Variants in SLC9A4 observed in about 807,000 individuals in gnomAD.
SLC9A4 encodes solute carrier family 9 member A4.
In SLC9A4, 63 loss-of-function variants were observed where a neutral mutation model predicts 67.4. The observed-to-expected ratio is 0.93, with a 90% confidence interval of 0.76 to 1.15. The LOEUF is 1.15. Ranked by LOEUF, SLC9A4 falls within the 50% of genes most tolerant of loss-of-function variation. The pLI is 0.00. For missense variants in SLC9A4, 1,089 were observed against 987.7 expected (o/e 1.10, Z -1.38); for synonymous variants, 393 against 367.2 (o/e 1.07, Z -0.80).
chr2:102,521,531 T>C (rs4851613), intron 9 of SLC9A4, among the ~76,000 whole-genome samples: 115,182 of 152,028 alleles, frequency 0.76, 43,896 homozygotes, highest in Middle Eastern at 0.81. Flanking sequence ...TGACTCTGCT[T>C]TGCTTACTCC....
intron 2 of SLC9A4, among the ~76,000 whole-genome samples, chr2:102,481,878 T>C (rs951064337): frequency 2.8e-5 from 4 of 141,572 alleles, no homozygotes; most frequent in African/African-American, 1.1e-4. Context: ...ATTTACTAAT[T>C]CATTTGGCAA....
intron 10 of SLC9A4, among the ~76,000 whole-genome samples, chr2:102,525,752 G>C (rs1020385999): frequency 6.6e-6 from 1 of 152,002 alleles, no homozygotes; most frequent in African/African-American, 2.4e-5. Flanking sequence ...GGTTGCTAAT[G>C]GTCTATTTTA....
intron 2 of SLC9A4, among the ~76,000 whole-genome samples, chr2:102,488,389 C>T (rs943895332): frequency 3.9e-5 from 6 of 152,112 alleles, no homozygotes; most frequent in Non-Finnish European, 8.8e-5. Flanking sequence ...TGGATGGGAG[C>T]ACTAGATCCA....
At chr2:102,513,809 T>C (rs940787525) in intron 7 of SLC9A4, among the ~76,000 whole-genome samples, 1 of 152,172 alleles carries the variant, frequency 6.6e-6, no homozygotes, top group Non-Finnish European at 1.5e-5. Context: ...GCCTCACTTA[T>C]GCACACTTTT....
chr2:102,524,226 C>G (rs1281426185), intron 9 of SLC9A4, among the ~76,000 whole-genome samples: 2 of 152,194 alleles, frequency 1.3e-5, no homozygotes. Context: ...CTATCATCCT[C>G]CAGGACTTTG....
rs941043976 is a variant in SLC9A4 at position 102,514,329 on chromosome 2, G to A, written c.1721+78G>A. 12 of 917,544 alleles carry A rather than the reference G, an allele frequency of 1.3e-5. No homozygotes were observed. In the South Asian group the frequency reaches 2.5e-4, roughly 19 times the overall value. 56.8% of individuals were successfully genotyped at this position (917,544 alleles called of 1,614,324 possible). On this transcript the variant is annotated intron_variant, in intron 8 of 11. Coordinates refer to ENST00000295269, the MANE Select transcript of SLC9A4 (RefSeq NM_001011552.4). ...GCGCTGACTCATTGCCTCATTTAAA[G>A]GTATACGAGGAGTAAAGAGGCAGAA...
At chr2:102,501,537 G>A (rs377094458) in intron 2 of SLC9A4, among the ~76,000 whole-genome samples, 7 of 151,978 alleles carry the variant, frequency 4.6e-5, no homozygotes, top group Non-Finnish European at 1.0e-4. Context: ...GAGCCACCAC[G>A]CCCAGCCAAA....
intron 1 of SLC9A4, among the ~76,000 whole-genome samples, chr2:102,474,919 C>A (rs1365859131): frequency 6.6e-6 from 1 of 152,200 alleles, no homozygotes; most frequent in East Asian, 1.9e-4. Flanking sequence ...TGTATGTTTT[C>A]TCTAGGATGG....
At position 102,533,360 on chromosome 2, in the gene SLC9A4, A is replaced by G. The variant is rs1280275686; in HGVS notation, c.*672A>G. ...TCATAATTGAAATATTTATTTTAAA[A>G]ATGAATATTAGAAACAAAACAGCCA... On this transcript the variant is annotated 3_prime_UTR_variant, in exon 12 of 12. Transcript: ENST00000295269. 1 of 152,282 alleles carries G rather than the reference A, an allele frequency of 6.6e-6. No individual in the cohort carries two copies. The highest frequency in any genetic ancestry group is 1.5e-5 in the Non-Finnish European group (1 of 68,036). The allele number at this position is 152,282 out of a possible 1,614,324, so 9.4% of individuals were successfully genotyped here.
intron 2 of SLC9A4, among the ~76,000 whole-genome samples, chr2:102,499,192 T>C (rs1405035444): frequency 6.6e-6 from 1 of 152,192 alleles, no homozygotes; most frequent in Non-Finnish European, 1.5e-5. Flanking sequence ...TAGCTGAGAA[T>C]GGCAGATGGG....
At chr2:102,501,398 G>A (rs1558665324) in intron 2 of SLC9A4, among the ~76,000 whole-genome samples, 2 of 152,054 alleles carry the variant, frequency 1.3e-5, no homozygotes, top group African/African-American at 4.8e-5. Flanking sequence ...TAGGATTACA[G>A]GCATGAGCCT....
chr2:102,503,230 C>G (rs1398129963), intron 2 of SLC9A4, among the ~76,000 whole-genome samples: 2 of 152,160 alleles, frequency 1.3e-5, no homozygotes, highest in East Asian at 3.9e-4. Flanking sequence ...AGTAGGTGCT[C>G]AGTGATTGGA....
rs145986678 is a variant in SLC9A4, at chr2:102,515,049, T to A, written c.1721+798T>A. Among the ~76,000 whole-genome samples the A allele has an allele frequency of 1.0e-3, 157 of 152,274 alleles. 1 individual carries two copies. The highest frequency in any genetic ancestry group is 1.4e-3 in the Non-Finnish European group (95 of 68,014). ...CCCCTTCAATGTCAAAAGAACTCATTAATTTCCCAAAGATGCCCAGTTTTT... is the reference window on the plus strand; with the variant it reads ...CCCCTTCAATGTCAAAAGAACTCATAAATTTCCCAAAGATGCCCAGTTTTT... On this transcript the variant is annotated intron_variant, in intron 8 of 11. Coordinates refer to ENST00000295269, the MANE Select transcript of SLC9A4 (RefSeq NM_001011552.4).
chr2:102,530,344 G>A (rs1399141723), intron 11 of SLC9A4, among the ~76,000 whole-genome samples: 1 of 152,188 alleles, frequency 6.6e-6, no homozygotes, highest in African/African-American at 2.4e-5. Flanking sequence ...TGTTGCCAAA[G>A]TATCCACTGC....
rs753458823 is a variant in SLC9A4, at chr2:102,505,329, G to C, written c.1056G>C (p.Lys352Asn). 5 of 1,614,100 alleles carry C rather than the reference G, an allele frequency of 3.1e-6. No homozygotes were observed. Among genetic ancestry groups the C allele is most frequent in the Non-Finnish European group, 3.4e-6 (4 of 1,180,042 alleles). Residue 352 changes from lysine (K) to asparagine (N), a missense_variant, in exon 4 of 12, where the codon AAG (lysine) becomes AAC (asparagine). Physicochemically the swap from Lys to Asn is moderately conservative, Grantham distance 94. Transcript: ENST00000295269. ...CCCAGACATCATACACGACCATCAA[G>C]TACTTCATGAAGATGCTGAGCAGCG... ...NVSQTSYTTI[K>N]YFMKMLSSVS...
intron 8 of SLC9A4, among the ~76,000 whole-genome samples, chr2:102,515,431 A>C (rs991073813): frequency 1.3e-5 from 2 of 148,726 alleles, no homozygotes; most frequent in African/African-American, 4.9e-5. Context: ...ATCTCAGTAT[A>C]ATACAAAGCT....
chr2:102,493,366 A>G (rs1362460152), intron 2 of SLC9A4, among the ~76,000 whole-genome samples: 1 of 151,940 alleles, frequency 6.6e-6, no homozygotes, highest in Non-Finnish European at 1.5e-5. Flanking sequence ...ATAAAGGGAA[A>G]GAGGTTTAAT....
intron 2 of SLC9A4, among the ~76,000 whole-genome samples, chr2:102,489,586 G>A (rs995660772): frequency 2.0e-5 from 3 of 152,118 alleles, no homozygotes; most frequent in African/African-American, 7.2e-5. Flanking sequence ...CAATAAACAG[G>A]ATTTATTGAT....
intron 2 of SLC9A4, among the ~76,000 whole-genome samples, chr2:102,499,292 G>GGCTA: frequency 1.3e-5 from 1 of 76,576 alleles, no homozygotes; most frequent in Admixed American, 1.4e-4. Flanking sequence ...ATATATAGAT[G>GGCTA]GATAGATAGA....
Sources: allele counts gnomAD v4.1 joint callset (sites outside exome capture counted in the v4.1 genomes callset), GRCh38; gene constraint gnomAD v4.1.1; transcripts MANE v1.5; gene names NCBI Gene and HGNC (gene_info 2026-07-23, HGNC 2026-07-21).